The following RNF213 variants were observed in gnomAD, a reference collection of about 807,000 sequenced individuals.
RNF213 encodes the protein E3 ubiquitin-protein ligase RNF213.
A neutral mutation model predicts 514.4 loss-of-function variants in RNF213; 341 were observed. That is an observed-to-expected ratio of 0.66 (90% CI 0.61 to 0.73). The LOEUF (loss-of-function observed/expected upper bound fraction) is 0.73, where lower values mean the gene tolerates loss of function less well. Among genes scored for constraint, RNF213 ranks in the 30% least tolerant of loss-of-function variants. The pLI is 0.00. For synonymous variants in RNF213, 2,655 were observed against 2,658.2 expected (o/e 1.00, Z 0.04); for missense variants, 5,767 against 6,615.6 (o/e 0.87, Z 4.45).
rs191401535 is a variant in RNF213, at chr17:80,317,538, T to G, written c.2901+261T>G. Among the ~76,000 whole-genome samples, 2 of 152,294 alleles carry G rather than the reference T, an allele frequency of 1.3e-5. No homozygotes were observed. Among genetic ancestry groups the G allele is most frequent in the East Asian group, 3.9e-4 (2 of 5,166 alleles). On this transcript the variant is annotated intron_variant, in intron 16 of 67. Transcript: ENST00000582970. The surrounding 1 kb of genome is among the most constrained non-coding windows in gnomAD (Gnocchi z 4.1). ...GGGTGCGGGATTTTTCCTGACCCCT[T>G]CGTTGGACTTGCGACAGGGATGCTG...
At chr17:80,286,722 C>A (rs2044485606) in intron 3 of RNF213, among the ~76,000 whole-genome samples, 1 of 152,066 alleles carries the variant, frequency 6.6e-6, no homozygotes, top group South Asian at 2.1e-4. Flanking sequence ...ACACCTGCTG[C>A]CTGGCAGTTT....
intron 1 of RNF213, 73 bp downstream of exon 1, chr17:80,260,975 GCCGGGTC>G (rs1017392521): frequency 2.0e-5 from 3 of 151,656 alleles, no homozygotes; most frequent in Non-Finnish European, 4.4e-5. Context: ...GGGCCGGCGG[GCCGGGTC>G]CCGGGGAGCG....
chr17:80,355,984 C>T (rs2078799952), intron 36 of RNF213, among the ~76,000 whole-genome samples: 1 of 149,670 alleles, frequency 6.7e-6, no homozygotes, highest in Admixed American at 6.7e-5. Flanking sequence ...TCCCTCCGTT[C>T]CTCCTTGTGG....
chr17:80,291,855 C>A, intron 8 of RNF213, 28 bp downstream of exon 8: 1 of 1,612,816 alleles, frequency 6.2e-7, no homozygotes. Flanking sequence ...GCTGTCTGCT[C>A]ACCCCTCCGG....
Position 80,332,239 on chromosome 17 carries a change from C to A in RNF213, c.3751C>A (p.Gln1251Lys). ...AEPLSEPKED[Q>K]EAAELLSEPE... Reference sequence around the variant, plus strand: ...GCCGCTGAGTGAGCCTAAGGAGGACCAGGAAGCCGCAGAGTTGCTGAGTGA... The same window carrying A: ...GCCGCTGAGTGAGCCTAAGGAGGACAAGGAAGCCGCAGAGTTGCTGAGTGA... The change falls in exon 21 of 68, where the codon CAG becomes AAG. Residue 1251 changes from glutamine to lysine, a missense_variant. This residue lies in a region of RNF213 where 516 missense variants were observed against 566.5 expected (regional missense o/e 0.91). Coordinates refer to ENST00000582970, the MANE Select transcript of RNF213 (RefSeq NM_001256071.3). The A allele has an allele frequency of 2.0e-6, 3 of 1,537,182 alleles. No homozygotes were observed. The highest frequency in any genetic ancestry group is 2.6e-6 in the Non-Finnish European group (3 of 1,146,920).
chr17:80,343,974 G>T lies in RNF213; in HGVS notation c.6301G>T (p.Glu2101Ter). 1 of 1,614,216 alleles carries T rather than the reference G, an allele frequency of 6.2e-7. No individual in the cohort carries two copies. Among genetic ancestry groups the T allele is most frequent in the Non-Finnish European group, 8.5e-7 (1 of 1,180,040 alleles). Residue 2101 changes from glutamate (E) to a stop codon, truncating the protein, a stop_gained, in exon 28 of 68, where the codon GAA becomes TAA. Coordinates refer to ENST00000582970, the MANE Select transcript of RNF213 (RefSeq NM_001256071.3). LOFTEE classifies it high-confidence loss of function. The surrounding 1 kb of genome is among the most constrained non-coding windows in gnomAD (Gnocchi z 4.3). ...PCHLYIVEIL[E>*]RRTSVPSRSS... ...CCATTTGTATATCGTTGAAATCCTG[G>T]AAAGGAGGACGTCAGTGCCGTCGAG...
intron 10 of RNF213, 129 bp from the exon 11 acceptor site, chr17:80,298,192 T>C (rs2045031542): frequency 1.1e-6 from 1 of 942,102 alleles, no homozygotes; most frequent in South Asian, 1.4e-5. Context: ...AGTTAAACTC[T>C]GCTCAGCCAC....
At chr17:80,355,155 G>C (rs2078686345) in intron 36 of RNF213, 2 of 455,942 alleles carry the variant, frequency 4.4e-6, no homozygotes, top group South Asian at 1.5e-5. Flanking sequence ...GAAAGCCTAA[G>C]AAACCAGTGA....
intron 22 of RNF213, among the ~76,000 whole-genome samples, chr17:80,335,667 C>T (rs1406207498): frequency 2.0e-5 from 3 of 152,102 alleles, no homozygotes; most frequent in South Asian, 2.1e-4. Flanking sequence ...GGCAAGATAT[C>T]GTTTAGTGCT....
rs2144234599 is a variant in RNF213 at position 80,353,828 on chromosome 17, A to G, written c.10578+162A>G. ...CACAGTGACGGTCTTGTTGCTGGTT[A>G]CTGGGGGTCAAGGGCATCTGCACCG... On this transcript the variant is annotated intron_variant, in intron 34 of 67. Transcript: ENST00000582970. This position sits in a 1 kb window ranked among gnomAD's most constrained non-coding sequence, Gnocchi z 5.0. The G allele has an allele frequency of 8.2e-7, 1 of 1,219,298 alleles. No homozygotes were observed. 75.5% of individuals were successfully genotyped at this position (1,219,298 alleles called of 1,614,324 possible). A position where few individuals can be genotyped will look rare whatever the true frequency, so the allele number is the denominator to read the frequency against.
At chr17:80,272,200 C>T (rs1488996248) in intron 2 of RNF213, among the ~76,000 whole-genome samples, 2 of 152,072 alleles carry the variant, frequency 1.3e-5, no homozygotes, top group South Asian at 2.1e-4. Flanking sequence ...AGGAGAATTG[C>T]TTGAACCTGG....
chr17:80,386,256 TC>T lies in RNF213; in HGVS notation c.14547del (p.Asn4850ThrfsTer38), dbSNP rs1328042611. On this transcript the variant is annotated frameshift_variant, in exon 62 of 68. Coordinates refer to ENST00000582970, the MANE Select transcript of RNF213 (RefSeq NM_001256071.3). LOFTEE classifies it high-confidence loss of function. ...LRRSLETNGE[I>X]NLPKDYCSTD... ...ATAACCCTGTCGTTTAAAGGTGAGA[TC>T]AACCTACCCAAAGACTACTGCAGCA... 5 of 1,608,274 alleles carry T rather than the reference TC, an allele frequency of 3.1e-6. No individual in the cohort carries two copies. Among genetic ancestry groups the T allele is most frequent in the Non-Finnish European group, 4.2e-6 (5 of 1,179,946 alleles).
At chr17:80,307,360 C>CTTT (rs1203567170) in intron 13 of RNF213, among the ~76,000 whole-genome samples, 159 bp downstream of exon 13, 1 of 121,390 alleles carries the variant, frequency 8.2e-6, no homozygotes, top group African/African-American at 3.5e-5. Flanking sequence ...ATATTGTCGT[C>CTTT]TGTTTTTTTT....
intron 42 of RNF213, 114 bp downstream of exon 42, chr17:80,364,667 G>T: frequency 7.7e-7 from 1 of 1,296,320 alleles, no homozygotes; most frequent in Non-Finnish European, 1.1e-6. Context: ...TGACCGTTTT[G>T]TCTAGACATG....
chr17:80,315,579 GTGA>G (rs1599003514), intron 15 of RNF213: 5 of 8,508 alleles, frequency 5.9e-4, no homozygotes, highest in Non-Finnish European at 1.1e-3. Context: ...GGTAATGGAG[GTGA>G]TGGTGGTGGT....
intron 20 of RNF213, 82 bp from the exon 21 acceptor site, chr17:80,331,924 G>A: frequency 1.4e-6 from 2 of 1,448,552 alleles, no homozygotes; most frequent in Non-Finnish European, 1.8e-6. Flanking sequence ...GAGAAGTGAG[G>A]AGAGAAAGTC....
chr17:80,269,183 A>G lies in RNF213; in HGVS notation c.98-4058A>G, dbSNP rs551314327. Among the ~76,000 whole-genome samples the G allele has an allele frequency of 3.9e-5, 6 of 152,262 alleles. No individual in the cohort carries two copies. The South Asian group carries it at 1.2e-3, about 32-fold the overall frequency. On this transcript the variant is annotated intron_variant, in intron 2 of 67. Transcript: ENST00000582970. ...AGCTGACTGGATGCTGCCCACCCAC[A>G]TAGAGGGTGGGTCTTCCTCTCCCAG...
intron 11 of RNF213, among the ~76,000 whole-genome samples, chr17:80,302,731 G>GT: frequency 6.6e-6 from 1 of 152,250 alleles, no homozygotes; most frequent in African/African-American, 2.4e-5. Context: ...ATGGTGGGGT[G>GT]TACCTGCAGT....
chr17:80,349,939 C>T (rs1215436150), intron 30 of RNF213, 33 bp downstream of exon 30: 1 of 1,612,136 alleles, frequency 6.2e-7, no homozygotes, highest in East Asian at 2.2e-5. Flanking sequence ...CTGCCCTCTC[C>T]CTCCCCAGCC....
Sources: gnomAD v4.1 joint callset for allele counts (sites outside exome capture counted in the v4.1 genomes callset) on GRCh38, gnomAD v4.1.1 for gene constraint, gnomAD v4.1.1 regional missense constraint, Gnocchi (gnomAD v3.1) non-coding constraint, MANE v1.5 for transcripts, NCBI Gene and HGNC (gene_info 2026-07-23, HGNC 2026-07-21) for gene names.